OSBPL6: variants seen among roughly 807,000 people sequenced by gnomAD.
OSBPL6 encodes oxysterol binding protein like 6, also known as oxysterol-binding protein-related protein 6.
Under a neutral mutation model 125.8 loss-of-function variants are expected in OSBPL6, and 49 were observed. That is an observed-to-expected ratio of 0.39 (90% CI 0.31 to 0.49). OSBPL6 has a LOEUF of 0.49. Among genes scored for constraint, OSBPL6 ranks in the 20% least tolerant of loss-of-function variants. OSBPL6 has a pLI of 0.88. For synonymous variants in OSBPL6, 394 were observed against 391.8 expected (o/e 1.01, Z -0.07); for missense variants, 986 against 1,135.4 (o/e 0.87, Z 1.89).
At chr2:178,210,026 A>G (rs980953007) in intron 1 of OSBPL6, among the ~76,000 whole-genome samples, 34 of 151,032 alleles carry the variant, frequency 2.3e-4, no homozygotes, top group Non-Finnish European at 1.5e-5. Flanking sequence ...CTATTTATTT[A>G]TTTATTTATT....
chr2:178,201,895 A>G (rs2089280300), intron 1 of OSBPL6, among the ~76,000 whole-genome samples: 1 of 152,230 alleles, frequency 6.6e-6, no homozygotes, highest in Admixed American at 6.5e-5. Context: ...CTGCAGTTAT[A>G]GTGCTTTATC....
rs755612867 is a variant in OSBPL6, at chr2:178,381,726, A to G, written c.1534-694A>G. ...GCCTCCCTAGGGAGAGCTGCCAAAT[A>G]TCTTCCTGAAAACCAAATCTGACTC... On this transcript the variant is annotated intron_variant, in intron 15 of 24. Coordinates refer to ENST00000190611, the MANE Select transcript of OSBPL6 (RefSeq NM_032523.4). 7.3e-4 allele frequency among the ~76,000 whole-genome samples: 111 copies of G among 152,280 alleles called. 2 individuals carry two copies. The highest frequency in any genetic ancestry group is 5.2e-4 in the Admixed American group (8 of 15,294).
intron 2 of OSBPL6, among the ~76,000 whole-genome samples, chr2:178,305,495 A>G (rs1219992847): frequency 1.3e-5 from 2 of 152,212 alleles, no homozygotes; most frequent in Admixed American, 6.5e-5. Context: ...ACATGTAGGC[A>G]TGCTGTAGTT....
chr2:178,326,187 T>G (rs1370004645), intron 4 of OSBPL6, among the ~76,000 whole-genome samples: 1 of 151,710 alleles, frequency 6.6e-6, no homozygotes, highest in African/African-American at 2.4e-5. Context: ...ATTCACCTGC[T>G]AAAGCATTTT....
rs1288139162 is a variant in OSBPL6, at chr2:178,400,875, C to G, written c.*5316C>G. ...AGGCCACGTGCATATGCACCCTCCC[C>G]TTCCATTACCCCAGTATCCGCCATC... is the stretch of plus-strand genomic sequence containing the variant. On this transcript the variant is annotated 3_prime_UTR_variant, in exon 25 of 25. Coordinates refer to ENST00000190611, the MANE Select transcript of OSBPL6 (RefSeq NM_032523.4). 6 of 152,234 alleles carry G rather than the reference C, an allele frequency of 3.9e-5. No homozygotes were observed. Among genetic ancestry groups the G allele is most frequent in the African/African-American group, 1.4e-4 (6 of 41,462 alleles). The allele number at this position is 152,234 out of a possible 1,614,324, so 9.4% of individuals were successfully genotyped here. A position where few individuals can be genotyped will look rare whatever the true frequency, so the allele number is the denominator to read the frequency against.
At chr2:178,333,154 G>A (rs1235335878) in intron 8 of OSBPL6, 113 bp downstream of exon 8, 55 of 1,143,760 alleles carry the variant, frequency 4.8e-5, no homozygotes, top group African/African-American at 2.5e-4. Context: ...AGGCCAAGGC[G>A]GGTGGATCGC....
intron 1 of OSBPL6, among the ~76,000 whole-genome samples, chr2:178,243,548 C>T (rs1301882422): frequency 6.6e-6 from 1 of 152,132 alleles, no homozygotes; most frequent in Non-Finnish European, 1.5e-5. Context: ...ATGGCTTAGC[C>T]CTATCCATTC....
At chr2:178,284,697 G>A (rs1684536722) in intron 1 of OSBPL6, among the ~76,000 whole-genome samples, 1 of 152,338 alleles carries the variant, frequency 6.6e-6, no homozygotes, top group South Asian at 2.1e-4. Flanking sequence ...AGCTCTGGGT[G>A]AGATGTAAAT....
intron 2 of OSBPL6, among the ~76,000 whole-genome samples, chr2:178,296,991 T>A (rs1169987693): frequency 6.6e-6 from 1 of 152,216 alleles, no homozygotes; most frequent in Non-Finnish European, 1.5e-5. Context: ...CATGAGATGT[T>A]GTAATTAGTA....
At chr2:178,273,318 G>A (rs1181618229) in intron 1 of OSBPL6, among the ~76,000 whole-genome samples, 1 of 152,178 alleles carries the variant, frequency 6.6e-6, no homozygotes, top group African/African-American at 2.4e-5. Flanking sequence ...TGGCCGGGCT[G>A]TGGCACATTC....
At chr2:178,200,610 C>T (rs2153934792) in intron 1 of OSBPL6, among the ~76,000 whole-genome samples, 1 of 152,068 alleles carries the variant, frequency 6.6e-6, no homozygotes, top group East Asian at 1.9e-4. Context: ...CCTTTTTCCT[C>T]TGCTGGCATA....
chr2:178,379,067 G>T (rs1320145861), intron 15 of OSBPL6, among the ~76,000 whole-genome samples: 1 of 151,928 alleles, frequency 6.6e-6, no homozygotes, highest in African/African-American at 2.4e-5. Context: ...GCTCCTTCAG[G>T]AGGCTGAGGT....
intron 3 of OSBPL6, among the ~76,000 whole-genome samples, chr2:178,308,177 T>C (rs1320313487): frequency 6.6e-6 from 1 of 152,226 alleles, no homozygotes; most frequent in African/African-American, 2.4e-5. Flanking sequence ...TGACTCCTGT[T>C]TTGTGTCTGT....
chr2:178,324,258 C>G lies in OSBPL6; in HGVS notation c.184C>G (p.Pro62Ala). Reference sequence around the variant, plus strand: ...GCAATTGCTAGAACCGGAGCCAGTCCCCCTCTCCAAGGTCAGTGATGAAAT... The same window carrying G: ...GCAATTGCTAGAACCGGAGCCAGTCGCCCTCTCCAAGGTCAGTGATGAAAT... ...SRQLLEPEPVPLSKEADSWEI... is the reference protein window; with the variant it reads ...SRQLLEPEPVALSKEADSWEI... The change falls in exon 4 of 25, where the codon CCC (proline) becomes GCC (alanine). Residue 62 changes from proline (P) to alanine (A), a missense_variant. Pro to Ala is a conservative substitution (Grantham distance 27, BLOSUM62 -1). Transcript: ENST00000190611. The G allele has an allele frequency of 6.4e-7, 1 of 1,568,460 alleles. No individual in the cohort carries two copies. The highest frequency in any genetic ancestry group is 1.2e-5 in the South Asian group (1 of 85,570).
chr2:178,275,827 A>T (rs2092458385), intron 1 of OSBPL6, among the ~76,000 whole-genome samples: 1 of 152,136 alleles, frequency 6.6e-6, no homozygotes. Context: ...GCACTTCCGT[A>T]TGCCTGGACT....
At chr2:178,293,996 G>GA (rs1366635159) in intron 2 of OSBPL6, among the ~76,000 whole-genome samples, 1 of 151,884 alleles carries the variant, frequency 6.6e-6, no homozygotes, top group Non-Finnish European at 1.5e-5. Flanking sequence ...AAAACTTTTA[G>GA]AAAAAAATAG....
intron 1 of OSBPL6, among the ~76,000 whole-genome samples, chr2:178,221,883 C>T (rs1423633894): frequency 4.6e-5 from 7 of 152,158 alleles, no homozygotes; most frequent in African/African-American, 1.7e-4. Context: ...TGTGAAGTGA[C>T]CTGTCACAGG....
At position 178,249,444 on chromosome 2, in the gene OSBPL6, A is replaced by C. The variant is rs373990096; in HGVS notation, c.-350-35483A>C. Among the ~76,000 whole-genome samples, 139 of 152,250 alleles carry C rather than the reference A, an allele frequency of 9.1e-4. 1 individual carries two copies. The highest frequency in any genetic ancestry group is 3.3e-3 in the African/African-American group (136 of 41,538). On this transcript the variant is annotated intron_variant, in intron 1 of 24. Coordinates refer to ENST00000190611, the MANE Select transcript of OSBPL6 (RefSeq NM_032523.4). ...ATTGTTGATTTTCACTAGGATTTTC[A>C]CTATGATAGTAGTACAGTGAATAGT...
chr2:178,208,293 A>T (rs572993856), intron 1 of OSBPL6, among the ~76,000 whole-genome samples: 6 of 151,988 alleles, frequency 3.9e-5, no homozygotes, highest in Admixed American at 3.9e-4. Context: ...CTAAAAAAAA[A>T]AAAAAAGAAA....
Sources: gnomAD v4.1 joint callset for allele counts (sites outside exome capture counted in the v4.1 genomes callset) on GRCh38, gnomAD v4.1.1 for gene constraint, MANE v1.5 for transcripts, NCBI Gene and HGNC (gene_info 2026-07-23, HGNC 2026-07-21) for gene names.